ZMYND11: variants seen among roughly 807,000 people sequenced by gnomAD.
ZMYND11 encodes the protein zinc finger MYND domain-containing protein 11.
Under a neutral mutation model 84.9 loss-of-function variants are expected in ZMYND11, and 9 were observed. The ratio of observed to expected loss-of-function variants is 0.11; its 90% confidence interval spans 0.06 to 0.18. The LOEUF is 0.18. Among genes scored for constraint, ZMYND11 ranks in the 10% least tolerant of loss-of-function variants. The pLI is 1.00. For missense variants in ZMYND11, 409 were observed against 761.0 expected (o/e 0.54, Z 5.44); for synonymous variants, 250 against 244.1 (o/e 1.02, Z -0.23).
intron 1 of ZMYND11, among the ~76,000 whole-genome samples, chr10:158,422 T>TTA (rs1842189992): frequency 6.6e-6 from 1 of 150,758 alleles, no homozygotes; most frequent in East Asian, 1.9e-4. Flanking sequence ...CTTTTTTTTT[T>TTA]TTTTTTTTTA....
At chr10:238,934 G>A (rs375092853) in intron 6 of ZMYND11, among the ~76,000 whole-genome samples, 20 of 152,156 alleles carry the variant, frequency 1.3e-4, no homozygotes, top group Admixed American at 7.2e-4. Flanking sequence ...GGACACCTGA[G>A]ATGTTATTTT....
chr10:212,004 G>T (rs1431438155), intron 3 of ZMYND11, among the ~76,000 whole-genome samples: 1 of 152,136 alleles, frequency 6.6e-6, no homozygotes, highest in African/African-American at 2.4e-5. Context: ...TAGTATAGAA[G>T]ACTATAGTGA....
At chr10:139,691 C>G (rs1326445158) in intron 1 of ZMYND11, among the ~76,000 whole-genome samples, 1 of 145,074 alleles carries the variant, frequency 6.9e-6, no homozygotes, top group Admixed American at 6.9e-5. Context: ...CCAACTTAAA[C>G]TTACACATGG....
chr10:236,859 A>G lies in ZMYND11; in HGVS notation c.460A>G (p.Asn154Asp). The change falls in exon 5 of 15, where the codon AAC becomes GAC. Residue 154 changes from asparagine (N) to aspartate (D), a missense_variant. This residue lies in a region of ZMYND11 where 53 missense variants were observed against 71.1 expected (regional missense o/e 0.75). Coordinates refer to ENST00000381604, the MANE Select transcript of ZMYND11 (RefSeq NM_001370100.5). The part of the protein sequence containing the change: ...VCRSIKKKNT[N>D]KQEMGTYLRF... ...ATAGAGCATTAAGAAGAAGAATACA[A>G]ACAAACAGGAGATGGGCACATACCT... 2 of 1,613,572 alleles carry G rather than the reference A, an allele frequency of 1.2e-6. No individual in the cohort carries two copies. Among genetic ancestry groups the G allele is most frequent in the African/African-American group, 1.3e-5 (1 of 75,016 alleles).
intron 1 of ZMYND11, among the ~76,000 whole-genome samples, chr10:144,516 C>T (rs1177125639): frequency 6.6e-6 from 1 of 152,008 alleles, no homozygotes; most frequent in African/African-American, 2.4e-5. Context: ...GCCACCTTGC[C>T]TGGCCTATTT....
chr10:215,833 C>T (rs1195808957), intron 3 of ZMYND11, among the ~76,000 whole-genome samples: 1 of 152,134 alleles, frequency 6.6e-6, no homozygotes, highest in African/African-American at 2.4e-5. Flanking sequence ...GCTGGAATTG[C>T]AGGCATGAGC....
intron 1 of ZMYND11, among the ~76,000 whole-genome samples, chr10:172,219 A>G (rs949459564): frequency 2.6e-4 from 39 of 152,194 alleles, no homozygotes; most frequent in African/African-American, 9.2e-4. Context: ...TGAATTTTGG[A>G]GAAACGAAAA....
At chr10:161,503 A>G (rs531396036) in intron 1 of ZMYND11, among the ~76,000 whole-genome samples, 22 of 152,354 alleles carry the variant, frequency 1.4e-4, no homozygotes, top group African/African-American at 4.3e-4. Flanking sequence ...ATTTGAACCC[A>G]GGCATCATCA....
intron 4 of ZMYND11, among the ~76,000 whole-genome samples, chr10:232,890 T>C (rs1949248000): frequency 6.6e-6 from 1 of 152,170 alleles, no homozygotes; most frequent in African/African-American, 2.4e-5. Context: ...GTAAAGTCGA[T>C]TGAGAGCATC....
At chr10:185,571 T>C (rs1254848265) in intron 2 of ZMYND11, among the ~76,000 whole-genome samples, 2 of 150,278 alleles carry the variant, frequency 1.3e-5, no homozygotes, top group Non-Finnish European at 3.0e-5. Flanking sequence ...CCCAGCACTT[T>C]GGGAGGCTGA....
At chr10:234,772 T>C (rs1295397062) in intron 4 of ZMYND11, among the ~76,000 whole-genome samples, 1 of 152,196 alleles carries the variant, frequency 6.6e-6, no homozygotes, top group African/African-American at 2.4e-5. Context: ...ACGTTTTCTC[T>C]TCCCTGTATC....
At chr10:140,573 T>G (rs148853498) in intron 1 of ZMYND11, among the ~76,000 whole-genome samples, 1 of 152,358 alleles carries the variant, frequency 6.6e-6, no homozygotes, top group East Asian at 1.9e-4. Flanking sequence ...TTAACTCAAT[T>G]CAAAAAATAA....
chr10:142,763 AAGAC>A (rs1354583239), intron 1 of ZMYND11, among the ~76,000 whole-genome samples: 4 of 152,242 alleles, frequency 2.6e-5, no homozygotes, highest in African/African-American at 9.6e-5. Context: ...AGGAGGTAGA[AAGAC>A]AGGAGTATTA....
chr10:171,140 C>T (rs925053137), intron 1 of ZMYND11, among the ~76,000 whole-genome samples: 9 of 152,156 alleles, frequency 5.9e-5, no homozygotes, highest in East Asian at 3.9e-4. Context: ...TTAATGTGTA[C>T]GCACCTAACA....
At chr10:131,265 T>C (rs1344998091), upstream of ZMYND11, among the ~76,000 whole-genome samples, 4 of 152,180 alleles carry the variant, frequency 2.6e-5, no homozygotes, top group Non-Finnish European at 2.9e-5. Flanking sequence ...TCCTTAAATG[T>C]TTTGAAGCAT....
intron 13 of ZMYND11, 56 bp from the exon 14 acceptor site, chr10:248,847 A>G: frequency 6.4e-7 from 1 of 1,554,704 alleles, no homozygotes; most frequent in Non-Finnish European, 8.7e-7. Flanking sequence ...GTTCCAGTGT[A>G]GATGGTCTGT....
intron 3 of ZMYND11, among the ~76,000 whole-genome samples, chr10:216,588 G>A (rs1452309335): frequency 6.6e-6 from 1 of 152,066 alleles, no homozygotes; most frequent in Non-Finnish European, 1.5e-5. Context: ...AAATGTCCAT[G>A]CCCTATCTTA....
At chr10:215,622 A>G (rs1397453595) in intron 3 of ZMYND11, among the ~76,000 whole-genome samples, 4 of 151,754 alleles carry the variant, frequency 2.6e-5, no homozygotes, top group Non-Finnish European at 4.4e-5. Context: ...CAGTGGCGCA[A>G]TCATGGTTCA....
At chr10:184,309 C>A (rs888547239) in intron 2 of ZMYND11, among the ~76,000 whole-genome samples, 20 of 152,156 alleles carry the variant, frequency 1.3e-4, no homozygotes, top group African/African-American at 4.3e-4. Context: ...TTCTTATCTA[C>A]ACACATCCTT....
Sources: allele counts gnomAD v4.1 joint callset (sites outside exome capture counted in the v4.1 genomes callset), GRCh38; gene constraint gnomAD v4.1.1; regional missense constraint gnomAD v4.1.1; transcripts MANE v1.5; gene names NCBI Gene and HGNC (gene_info 2026-07-23, HGNC 2026-07-21).